The following EPB41L5 variants were observed in gnomAD, a reference collection of about 807,000 sequenced individuals.
EPB41L5 encodes the protein erythrocyte membrane protein band 4.1 like 5.
Under a neutral mutation model 106.6 loss-of-function variants are expected in EPB41L5, and 55 were observed. The ratio of observed to expected loss-of-function variants is 0.52; its 90% CI spans 0.42 to 0.65. EPB41L5 has a LOEUF of 0.65. EPB41L5 is among the 30% of genes least tolerant of loss of function. EPB41L5 has a pLI of 0.00. For synonymous variants in EPB41L5, 297 were observed against 306.7 expected, an observed-to-expected ratio of 0.97 and a Z score of 0.33; for missense variants, 871 against 882.1, an observed-to-expected ratio of 0.99 and a Z score of 0.16.
intron 10 of EPB41L5, among the ~76,000 whole-genome samples, chr2:120,079,929 C>T (rs1322457406): frequency 6.6e-6 from 1 of 152,020 alleles, no homozygotes; most frequent in Non-Finnish European, 1.5e-5. Flanking sequence ...TTTTCTTTGT[C>T]CTCCCTGCCC....
intron 3 of EPB41L5, among the ~76,000 whole-genome samples, chr2:120,055,992 G>A (rs1680622908): frequency 6.6e-6 from 1 of 152,100 alleles, no homozygotes; most frequent in East Asian, 1.9e-4. Context: ...GAAGCAGTGG[G>A]AGTGGACACC....
At position 120,115,213 on chromosome 2, in the gene EPB41L5, A is replaced by G. The variant is rs116670001; in HGVS notation, c.1338-12475A>G. 4.0e-3 allele frequency among the ~76,000 whole-genome samples: 615 copies of G among 152,252 alleles called. 4 individuals are homozygous for G. Among genetic ancestry groups the G allele is most frequent in the Middle Eastern group, 0.014 (4 of 294 alleles). On this transcript the variant is annotated intron_variant, in intron 16 of 24. Transcript: ENST00000263713. ...TCATGTTTTTTAATTCATTTTGCCAATCTCTGTCTTTTAATTGGACAGTTT... is the reference window on the plus strand; with the variant it reads ...TCATGTTTTTTAATTCATTTTGCCAGTCTCTGTCTTTTAATTGGACAGTTT...
intron 20 of EPB41L5, among the ~76,000 whole-genome samples, chr2:120,147,330 C>CAA (rs1553514243): frequency 6.6e-6 from 1 of 152,144 alleles, no homozygotes; most frequent in Non-Finnish European, 1.5e-5. Flanking sequence ...TTCTGAGTGA[C>CAA]AGAGTGAGAC....
At chr2:120,141,720 C>A (rs1686182282) in intron 18 of EPB41L5, among the ~76,000 whole-genome samples, 1 of 152,040 alleles carries the variant, frequency 6.6e-6, no homozygotes, top group African/African-American at 2.4e-5. Flanking sequence ...GGATTATTAG[C>A]TAGATGATTG....
At chr2:120,068,119 C>A (rs1171230501) in intron 3 of EPB41L5, among the ~76,000 whole-genome samples, 1 of 152,154 alleles carries the variant, frequency 6.6e-6, no homozygotes, top group Non-Finnish European at 1.5e-5. Context: ...ATGGGTGCAG[C>A]TCATGGAGGG....
At position 120,033,852 on chromosome 2, in the gene EPB41L5, G is replaced by A. The variant is rs1678877960; in HGVS notation, c.181-8154G>A. Among the ~76,000 whole-genome samples, 3 of 152,118 alleles carry A rather than the reference G, an allele frequency of 2.0e-5. No individual in the cohort carries two copies. In the South Asian group the frequency reaches 6.2e-4, roughly 32 times the overall value. On this transcript the variant is annotated intron_variant, in intron 2 of 24. Transcript: ENST00000263713. ...CTCACGCTTATAATCCCAGCACTTT[G>A]GGAGGCTGAGGTGGGAGGATTGCTT...
Position 120,100,696 on chromosome 2 carries a change from A to C in EPB41L5, c.1222-3A>C. 6.2e-7 allele frequency: 1 copy of C among 1,611,334 alleles called. No homozygotes were observed. The highest frequency in any genetic ancestry group is 8.5e-7 in the Non-Finnish European group (1 of 1,178,148). ...AGATAATTTTTATAATTTTTGTCCA[A>C]AGGCTTGGGGGATGAGATCTGCTCT... On this transcript the variant is annotated splice_region_variant and splice_polypyrimidine_tract_variant and intron_variant, in intron 15 of 24. Transcript: ENST00000263713.
At chr2:120,137,204 G>A (rs935232052) in intron 18 of EPB41L5, among the ~76,000 whole-genome samples, 2 of 151,854 alleles carry the variant, frequency 1.3e-5, no homozygotes, top group South Asian at 2.1e-4. Flanking sequence ...AAAATCTATC[G>A]ATACAGCGAA....
intron 3 of EPB41L5, among the ~76,000 whole-genome samples, chr2:120,062,258 A>G (rs1465896111): frequency 6.6e-6 from 1 of 152,194 alleles, no homozygotes; most frequent in East Asian, 1.9e-4. Context: ...GAAATAAATA[A>G]CATGTTAAAT....
At chr2:120,173,536 C>A (rs112122069) in intron 24 of EPB41L5, among the ~76,000 whole-genome samples, 62 of 152,252 alleles carry the variant, frequency 4.1e-4, no homozygotes, top group African/African-American at 1.4e-3. Flanking sequence ...AAGGAAAATA[C>A]CAGGAAAAGA....
chr2:120,104,500 A>G (rs1684334742), intron 16 of EPB41L5: 5 of 1,126,846 alleles, frequency 4.4e-6, no homozygotes, highest in Non-Finnish European at 5.4e-6. Flanking sequence ...GAGTTTTCAG[A>G]CCTTAGTATG....
intron 2 of EPB41L5, among the ~76,000 whole-genome samples, chr2:120,039,063 G>A (rs1174211428): frequency 1.3e-5 from 2 of 152,174 alleles, no homozygotes; most frequent in Non-Finnish European, 2.9e-5. Context: ...AAATAAGCCA[G>A]AAACAAGAGG....
intron 14 of EPB41L5, among the ~76,000 whole-genome samples, chr2:120,099,775 G>A (rs1190540154): frequency 1.3e-5 from 2 of 152,146 alleles, no homozygotes; most frequent in Non-Finnish European, 2.9e-5. Context: ...AGAGGAAGGT[G>A]TACACAGAGA....
chr2:120,054,595 C>T (rs932040956), intron 3 of EPB41L5, among the ~76,000 whole-genome samples: 2 of 151,848 alleles, frequency 1.3e-5, no homozygotes, highest in Middle Eastern at 6.8e-3. Flanking sequence ...CTCCGCCTCC[C>T]GGTTCGAGCA....
At chr2:120,138,357 A>G (rs1341700402) in intron 18 of EPB41L5, among the ~76,000 whole-genome samples, 1 of 152,070 alleles carries the variant, frequency 6.6e-6, no homozygotes, top group Admixed American at 6.6e-5. Flanking sequence ...GAGCAATCAG[A>G]CAAGAGAATG....
intron 3 of EPB41L5, among the ~76,000 whole-genome samples, chr2:120,064,113 T>A (rs1047196632): frequency 3.3e-5 from 5 of 152,200 alleles, no homozygotes; most frequent in Non-Finnish European, 7.3e-5. Flanking sequence ...TAGTGGAATC[T>A]AGATCAAATT....
chr2:120,120,063 T>A (rs1249125395), intron 16 of EPB41L5, among the ~76,000 whole-genome samples: 1 of 152,166 alleles, frequency 6.6e-6, no homozygotes, highest in Non-Finnish European at 1.5e-5. Flanking sequence ...CCACTGTATT[T>A]ATTGTAACCT....
At chr2:120,163,825 A>G (rs1156649702) in intron 21 of EPB41L5, among the ~76,000 whole-genome samples, 1 of 151,464 alleles carries the variant, frequency 6.6e-6, no homozygotes, top group African/African-American at 2.4e-5. Flanking sequence ...GGTGGTGCAC[A>G]CCTGTAGTCC....
intron 18 of EPB41L5, among the ~76,000 whole-genome samples, chr2:120,138,985 C>T (rs1348718961): frequency 6.6e-6 from 1 of 151,952 alleles, no homozygotes; most frequent in Non-Finnish European, 1.5e-5. Context: ...AAAACAGACA[C>T]ATAGACCAAT....
Sources: allele counts gnomAD v4.1 joint callset (sites outside exome capture counted in the v4.1 genomes callset), GRCh38; gene constraint gnomAD v4.1.1; transcripts MANE v1.5; gene names NCBI Gene and HGNC (gene_info 2026-07-23, HGNC 2026-07-21).